ABCG2: variants seen among roughly 807,000 people sequenced by gnomAD.
ABCG2 encodes broad substrate specificity ATP-binding cassette transporter ABCG2.
ABCG2 carries 80 observed loss-of-function variants against 73.5 expected under a neutral mutation model. The ratio of observed to expected loss-of-function variants is 1.09; its 90% CI spans 0.91 to 1.31. The LOEUF (loss-of-function observed/expected upper bound fraction) is 1.31. Among genes scored for constraint, ABCG2 ranks in the 50% most tolerant of loss-of-function variants. The probability of loss-of-function intolerance (pLI) is 0.00; values close to 1 mark genes in which losing one functional copy is unlikely to be tolerated. For synonymous variants in ABCG2, 269 were observed against 282.4 expected (o/e 0.95, Z 0.48); for missense variants, 796 against 786.2 (o/e 1.01, Z -0.15).
At chr4:88,115,621 CAAAAAAA>C (rs34465562) in intron 7 of ABCG2, among the ~76,000 whole-genome samples, 15,423 of 107,916 alleles carry the variant, frequency 0.14, 1,281 homozygotes, top group African/African-American at 0.29. Context: ...GTCTCTGGGC[CAAAAAAA>C]AAAAAAAAAA....
intron 2 of ABCG2, among the ~76,000 whole-genome samples, chr4:88,134,566 T>C (rs1440353125): frequency 2.0e-5 from 3 of 152,204 alleles, no homozygotes; most frequent in Non-Finnish European, 4.4e-5. Context: ...AGGTCCCTAA[T>C]AACTGCCTCT....
At chr4:88,221,021 C>T (rs1429921978) in intron 1 of ABCG2, among the ~76,000 whole-genome samples, 1 of 152,168 alleles carries the variant, frequency 6.6e-6, no homozygotes, top group African/African-American at 2.4e-5. Flanking sequence ...GTAATCCAAG[C>T]ACTTTGGGAG....
chr4:88,111,210 A>C (rs1723110975), intron 9 of ABCG2, among the ~76,000 whole-genome samples: 2 of 149,968 alleles, frequency 1.3e-5, no homozygotes, highest in South Asian at 4.2e-4. Flanking sequence ...AGTAAGAAAA[A>C]TCTAATGCAT....
chr4:88,159,127 CCG>C, upstream of ABCG2: 6 of 456,212 alleles, frequency 1.3e-5, no homozygotes, highest in South Asian at 9.3e-5. Flanking sequence ...CCAAACACTC[CCG>C]CCTCCGGGAT....
At chr4:88,164,787 T>G (rs1727450032) in intron 1 of ABCG2, among the ~76,000 whole-genome samples, 1 of 152,104 alleles carries the variant, frequency 6.6e-6, no homozygotes, top group Admixed American at 6.6e-5. Flanking sequence ...GTTGTTGTTG[T>G]TTGTTTTTGA....
At chr4:88,113,009 C>T (rs1446099499) in intron 9 of ABCG2, among the ~76,000 whole-genome samples, 1 of 152,078 alleles carries the variant, frequency 6.6e-6, no homozygotes, top group African/African-American at 2.4e-5. Flanking sequence ...ATTCAAGAGG[C>T]TGAGGTGTGA....
At chr4:88,158,785 G>A, upstream of ABCG2, 1 of 348,776 alleles carries the variant, frequency 2.9e-6, no homozygotes. Context: ...TGCGGCTGGA[G>A]GTCACGATGG....
At chr4:88,189,688 C>G (rs1578266065) in intron 1 of ABCG2, among the ~76,000 whole-genome samples, 1 of 152,126 alleles carries the variant, frequency 6.6e-6, no homozygotes, top group East Asian at 1.9e-4. Context: ...CATCTGTGAA[C>G]AGAAATAATT....
At chr4:88,159,458 G>T, upstream of ABCG2, 1 of 341,422 alleles carries the variant, frequency 2.9e-6, no homozygotes, top group Non-Finnish European at 5.8e-6. Flanking sequence ...TAGTTTAAAT[G>T]TTATTCTTTA....
chr4:88,141,010 A>T (rs1725605245), intron 1 of ABCG2, among the ~76,000 whole-genome samples: 1 of 152,206 alleles, frequency 6.6e-6, no homozygotes, highest in African/African-American at 2.4e-5. Flanking sequence ...GATTTATTTG[A>T]GTAAGACCTT....
At chr4:88,142,350 G>A (rs1725703786) in intron 1 of ABCG2, among the ~76,000 whole-genome samples, 1 of 151,910 alleles carries the variant, frequency 6.6e-6, no homozygotes, top group African/African-American at 2.4e-5. Context: ...GACAAATCTA[G>A]GCATATCATA....
chr4:88,158,653 T>C (rs1727119539), upstream of ABCG2: 1 of 456,074 alleles, frequency 2.2e-6, no homozygotes, highest in African/African-American at 2.0e-5. Flanking sequence ...TCTTCCCTCC[T>C]GCGCGCCCGG....
upstream of ABCG2, among the ~76,000 whole-genome samples, chr4:88,162,658 G>A (rs935625593): frequency 6.6e-6 from 1 of 152,152 alleles, no homozygotes; most frequent in South Asian, 2.1e-4. Context: ...ATAGAAATGA[G>A]TCATTTTAAC....
chr4:88,108,812 T>C (rs1722929822), intron 9 of ABCG2, among the ~76,000 whole-genome samples: 1 of 152,162 alleles, frequency 6.6e-6, no homozygotes, highest in African/African-American at 2.4e-5. Context: ...GAGCTGTCTT[T>C]TAAAATTCAC....
intron 1 of ABCG2, among the ~76,000 whole-genome samples, chr4:88,179,060 C>T (rs1219753953): frequency 6.6e-6 from 1 of 151,306 alleles, no homozygotes; most frequent in Non-Finnish European, 1.5e-5. Flanking sequence ...AGGTGGTAGA[C>T]AGGCAGTGGT....
At chr4:88,173,671 C>G (rs986256925) in intron 1 of ABCG2, among the ~76,000 whole-genome samples, 1 of 152,020 alleles carries the variant, frequency 6.6e-6, no homozygotes, top group African/African-American at 2.4e-5. Flanking sequence ...GAAATTTTCT[C>G]AATAGCATGA....
intron 9 of ABCG2, among the ~76,000 whole-genome samples, chr4:88,109,766 T>C (rs1723008032): frequency 6.6e-6 from 1 of 152,180 alleles, no homozygotes; most frequent in Admixed American, 6.5e-5. Context: ...AAGCAACAGA[T>C]TCAAGATTTA....
intron 6 of ABCG2, among the ~76,000 whole-genome samples, chr4:88,119,017 C>T (rs1723781250): frequency 6.6e-6 from 1 of 152,090 alleles, no homozygotes; most frequent in Admixed American, 6.5e-5. Context: ...GTGTGCCCAC[C>T]CAAATCTCAC....
rs905134809 is a variant in ABCG2 at position 88,158,549 on chromosome 4, A to T, written c.-183T>A. The T allele has an allele frequency of 2.2e-6, 1 of 456,324 alleles. No homozygotes were observed. Among genetic ancestry groups the T allele is most frequent in the Non-Finnish European group, 4.4e-6 (1 of 226,976 alleles). 28.3% of individuals were successfully genotyped at this position (456,324 alleles called of 1,614,324 possible). On this transcript the variant is annotated 5_prime_UTR_variant, in exon 1 of 16. It removes an upstream start codon present in the reference 5' UTR. Transcript: ENST00000237612. ...TTTCCACTTAACAAGACCACCAAGC[A>T]TGTGCACGGTGCGTTCCTAAATCCT...
Sources: allele counts gnomAD v4.1 joint callset (sites outside exome capture counted in the v4.1 genomes callset), GRCh38; gene constraint gnomAD v4.1.1; transcripts MANE v1.5; gene names NCBI Gene and HGNC (gene_info 2026-07-23, HGNC 2026-07-21).